WDR49: variants seen among roughly 807,000 people sequenced by gnomAD.
WDR49 encodes the protein cilia- and flagella-associated protein 337.
WDR49 carries 107 observed loss-of-function variants against 119.5 expected under a neutral mutation model. The observed-to-expected ratio is 0.90, with a 90% CI of 0.77 to 1.05. The LOEUF (loss-of-function observed/expected upper bound fraction) is 1.05. WDR49 is among the 50% of genes least tolerant of loss of function. WDR49 has a pLI of 0.00. For synonymous variants in WDR49, 425 were observed against 418.8 expected (o/e 1.01, Z -0.18); for missense variants, 1,240 against 1,220.5 (o/e 1.02, Z -0.24).
At chr3:167,516,658 C>A (rs1752219193) in intron 16 of WDR49, among the ~76,000 whole-genome samples, 1 of 152,024 alleles carries the variant, frequency 6.6e-6, no homozygotes, top group Admixed American at 6.6e-5. Context: ...AGTTCTAGAT[C>A]CCTGAGGAAT....
In WDR49 at chr3:167,532,981, C is replaced by T; in HGVS notation, c.1955-4G>A. The T allele has an allele frequency of 6.3e-7, 1 of 1,579,464 alleles. No individual in the cohort carries two copies. Among genetic ancestry groups the T allele is most frequent in the Non-Finnish European group, 8.6e-7 (1 of 1,156,118 alleles). On this transcript the variant is annotated splice_region_variant and splice_polypyrimidine_tract_variant and intron_variant, in intron 11 of 18. Coordinates refer to ENST00000682715, the MANE Select transcript of WDR49 (RefSeq NM_001366157.1). ...ACAATTTCTCCATCATAACTCCCTA[C>T]ACAAGACAGGATGGAGAATATAAAT...
rs552042540 is a variant in WDR49, at chr3:167,630,622, C to T, written c.166-3330G>A. 3.4e-3 allele frequency among the ~76,000 whole-genome samples: 511 copies of T among 152,196 alleles called. 3 individuals are homozygous for T. The highest frequency in any genetic ancestry group is 5.2e-3 in the Non-Finnish European group (351 of 67,990). ...AAAGGGCAATAATTTAACTTCTATA[C>T]ATATGCCATAACAAAGAACAGTGAA... is the stretch of plus-strand genomic sequence containing the variant. On this transcript the variant is annotated intron_variant, in intron 2 of 18. Transcript: ENST00000682715.
At chr3:167,553,080 G>T (rs1034239336) in intron 10 of WDR49, among the ~76,000 whole-genome samples, 1 of 151,956 alleles carries the variant, frequency 6.6e-6, no homozygotes, top group Admixed American at 6.6e-5. Flanking sequence ...TTTGTTAAAT[G>T]CCTCCTGGTA....
At chr3:167,622,597 A>T (rs904643729) in intron 3 of WDR49, among the ~76,000 whole-genome samples, 1 of 152,172 alleles carries the variant, frequency 6.6e-6, no homozygotes, top group African/African-American at 2.4e-5. Context: ...TTGAAGACAG[A>T]GTAGGCATTT....
intron 11 of WDR49, among the ~76,000 whole-genome samples, chr3:167,535,775 C>A (rs1322833291): frequency 1.3e-5 from 2 of 151,992 alleles, no homozygotes; most frequent in East Asian, 3.9e-4. Flanking sequence ...GATATCTGCA[C>A]CACACCCTTA....
rs562408270 is a variant in WDR49, at chr3:167,595,622, G to T, written c.1275+6505C>A. Among the ~76,000 whole-genome samples the T allele has an allele frequency of 7.2e-3, 1,097 of 152,278 alleles. 9 individuals carry two copies. The highest frequency in any genetic ancestry group is 0.012 in the Non-Finnish European group (797 of 68,028). ...TGAGAAAAACAAGCAATGGGGAAAGGATTCCCTATTTAATAAATGGTGCTG... is the reference window on the plus strand; with the variant it reads ...TGAGAAAAACAAGCAATGGGGAAAGTATTCCCTATTTAATAAATGGTGCTG... On this transcript the variant is annotated intron_variant, in intron 7 of 18. Coordinates refer to ENST00000682715, the MANE Select transcript of WDR49 (RefSeq NM_001366157.1).
intron 10 of WDR49, among the ~76,000 whole-genome samples, chr3:167,547,336 T>C (rs1193853744): frequency 6.6e-6 from 1 of 151,864 alleles, no homozygotes. Flanking sequence ...CAGTGCTCTA[T>C]GAAGGATGCT....
intron 14 of WDR49, among the ~76,000 whole-genome samples, chr3:167,528,270 T>C (rs2108239096): frequency 6.6e-6 from 1 of 151,820 alleles, no homozygotes; most frequent in African/African-American, 2.4e-5. Context: ...AAAATATAAA[T>C]AGTAAAGCCA....
intron 2 of WDR49, among the ~76,000 whole-genome samples, chr3:167,629,982 T>A (rs1717296585): frequency 6.6e-6 from 1 of 152,122 alleles, no homozygotes; most frequent in African/African-American, 2.4e-5. Context: ...CATGGTTGAA[T>A]GACAACAAAG....
At chr3:167,536,712 C>CAT (rs57802270) in intron 11 of WDR49, among the ~76,000 whole-genome samples, 158 bp downstream of exon 11, 59,291 of 136,366 alleles carry the variant, frequency 0.43, 12,691 homozygotes, top group African/African-American at 0.48. Context: ...TATACACACA[C>CAT]ATATATATAT....
In WDR49 at chr3:167,559,140, C is replaced by T. The variant is rs1237554829; in HGVS notation, c.1674+924G>A. Among the ~76,000 whole-genome samples the T allele has an allele frequency of 2.6e-5, 4 of 152,166 alleles. No individual in the cohort carries two copies. In the East Asian group the frequency reaches 7.7e-4, roughly 29 times the overall value. ...CCTTCCTCACACTAATGACTGCCAG[C>T]CTGTAATCTCCCTGAATACCTAAAC... On this transcript the variant is annotated intron_variant, in intron 9 of 18. Transcript: ENST00000682715.
At chr3:167,522,531 C>A in intron 15 of WDR49, 47 bp from the exon 16 acceptor site, 3 of 1,558,328 alleles carry the variant, frequency 1.9e-6, no homozygotes, top group African/African-American at 1.4e-5. Flanking sequence ...AATTTATTTT[C>A]TTCAAACATT....
intron 7 of WDR49, among the ~76,000 whole-genome samples, chr3:167,587,071 A>G (rs1396656499): frequency 1.3e-5 from 2 of 152,162 alleles, no homozygotes; most frequent in Non-Finnish European, 2.9e-5. Flanking sequence ...GAATCCTATC[A>G]TTTAGTTGAT....
At chr3:167,506,894 G>A (rs1266243065) in intron 16 of WDR49, among the ~76,000 whole-genome samples, 2 of 152,084 alleles carry the variant, frequency 1.3e-5, no homozygotes, top group Admixed American at 1.3e-4. Context: ...GTTTGGGTTT[G>A]TCTGATATTC....
intron 9 of WDR49, among the ~76,000 whole-genome samples, chr3:167,557,397 T>C (rs983955674): frequency 1.3e-5 from 2 of 152,170 alleles, no homozygotes; most frequent in South Asian, 2.1e-4. Context: ...AGCAAAAGAT[T>C]TGAATCAATG....
intron 8 of WDR49, among the ~76,000 whole-genome samples, chr3:167,568,429 A>G (rs1713736177): frequency 6.6e-6 from 1 of 152,170 alleles, no homozygotes; most frequent in Admixed American, 6.5e-5. Flanking sequence ...CTGCACCCAC[A>G]TAAGACCTGT....
chr3:167,611,587 C>T (rs1220655117), intron 5 of WDR49, among the ~76,000 whole-genome samples: 3 of 152,032 alleles, frequency 2.0e-5, no homozygotes, highest in South Asian at 2.1e-4. Context: ...AAGAAACACA[C>T]TTCACCTATA....
chr3:167,596,214 G>T (rs552008713), intron 7 of WDR49, among the ~76,000 whole-genome samples: 3 of 152,094 alleles, frequency 2.0e-5, no homozygotes, highest in Non-Finnish European at 2.9e-5. Flanking sequence ...AAAATGTCAG[G>T]AAACAACAGG....
At chr3:167,593,057 G>C (rs1382460957) in intron 7 of WDR49, among the ~76,000 whole-genome samples, 2 of 152,088 alleles carry the variant, frequency 1.3e-5, no homozygotes, top group Non-Finnish European at 2.9e-5. Flanking sequence ...TTGGGAGTTT[G>C]ATTATTAAAT....
Sources: gnomAD v4.1 joint callset for allele counts (sites outside exome capture counted in the v4.1 genomes callset) on GRCh38, gnomAD v4.1.1 for gene constraint, MANE v1.5 for transcripts, NCBI Gene and HGNC (gene_info 2026-07-23, HGNC 2026-07-21) for gene names.